DIO2: variants seen among roughly 807,000 people sequenced by gnomAD.
The protein encoded by DIO2 is iodothyronine deiodinase 2, also known as type II iodothyronine deiodinase.
In DIO2, 19 loss-of-function variants were observed where a neutral mutation model predicts 21.4. That is an observed-to-expected ratio of 0.89 (90% CI 0.62 to 1.30). DIO2 has a LOEUF of 1.30. Ranked by LOEUF, DIO2 falls within the 50% of genes most tolerant of loss-of-function variation. The pLI, the probability that DIO2 is intolerant of heterozygous loss-of-function variation, is 0.00. For synonymous variants in DIO2, 122 were observed against 132.9 expected, an observed-to-expected ratio of 0.92 and a Z score of 0.57; for missense variants, 302 against 338.1, an observed-to-expected ratio of 0.89 and a Z score of 0.84.
rs1275009858 is a variant in DIO2 at position 80,206,832 on chromosome 14, C to T, written c.223-3544G>A. On this transcript the variant is annotated intron_variant, in intron 1 of 1. Transcript: ENST00000438257. ...GAGACATATTTGCCAAAGAGGCATT[C>T]AAAAGGCATTTTTTACTCTTGCGGA... Among the ~76,000 whole-genome samples the T allele has an allele frequency of 1.3e-5, 2 of 152,110 alleles. 1 individual carries two copies. Among genetic ancestry groups the T allele is most frequent in the Admixed American group, 1.3e-4 (2 of 15,268 alleles).
rs1887632850 is a variant in DIO2, at chr14:80,199,580, G to A, written c.*3109C>T. 1 of 152,390 alleles carries A rather than the reference G, an allele frequency of 6.6e-6. No homozygotes were observed. The highest frequency in any genetic ancestry group is 2.4e-5 in the African/African-American group (1 of 41,442). 9.4% of individuals were successfully genotyped at this position (152,390 alleles called of 1,614,324 possible). ...GGCATCTCCATTCATGCCCATTCAAGAAAATCATTGTTGATCCCACTAGTA... is the reference window on the plus strand; with the variant it reads ...GGCATCTCCATTCATGCCCATTCAAAAAAATCATTGTTGATCCCACTAGTA... On this transcript the variant is annotated 3_prime_UTR_variant, in exon 2 of 2. Coordinates refer to ENST00000438257, the MANE Select transcript of DIO2 (RefSeq NM_013989.5).
intron 1 of DIO2, chr14:80,205,630 G>T (rs769049241): frequency 4.5e-6 from 6 of 1,331,628 alleles, no homozygotes; most frequent in East Asian, 4.7e-5. Context: ...GAAAGTTAAG[G>T]CACCTTCTCC....
At chr14:80,219,214 C>A (rs1156369189) in intron 2 of DIO2, among the ~76,000 whole-genome samples, 4 of 152,120 alleles carry the variant, frequency 2.6e-5, no homozygotes, top group Non-Finnish European at 4.4e-5. Context: ...GAAGGTAGGG[C>A]TGGATTTAGA....
intron 2 of DIO2, chr14:80,219,357 A>G (rs1888418711): frequency 6.6e-6 from 1 of 152,250 alleles, no homozygotes; most frequent in Non-Finnish European, 1.5e-5. Context: ...ATTGAAAGTC[A>G]GTAGGCAAAA....
intron 1 of DIO2, among the ~76,000 whole-genome samples, chr14:80,210,811 T>C (rs1158622471): frequency 2.0e-5 from 3 of 152,202 alleles, no homozygotes; most frequent in South Asian, 2.1e-4. Context: ...GCATTTCTCA[T>C]TTCTTGCTTT....
At chr14:80,210,763 A>C (rs1888146790) in intron 1 of DIO2, among the ~76,000 whole-genome samples, 1 of 152,060 alleles carries the variant, frequency 6.6e-6, no homozygotes, top group African/African-American at 2.4e-5. Context: ...TTCTATGACC[A>C]CTTTCTTATC....
Position 80,202,752 on chromosome 14 carries a change from T to A in DIO2, c.759A>T (p.Glu253Asp), listed in dbSNP as rs1282367336. Residue 253 changes from glutamate to aspartate, a missense_variant, in exon 2 of 2, where the codon GAA becomes GAT. Physicochemically the swap from Glu to Asp is conservative, Grantham distance 45. Coordinates refer to ENST00000438257, the MANE Select transcript of DIO2 (RefSeq NM_013989.5). ...AATTCTTCTCCAGCCAATGCCGGACTTCTTGAAGGTTGTAGGAGAAGGGGC... is the reference window on the plus strand; with the variant it reads ...AATTCTTCTCCAGCCAATGCCGGACATCTTGAAGGTTGTAGGAGAAGGGGC... ...GKGPFSYNLQ[E>D]VRHWLEKNFS... The A allele has an allele frequency of 1.2e-6, 2 of 1,613,970 alleles. No homozygotes were observed. The highest frequency in any genetic ancestry group is 1.7e-6 in the Non-Finnish European group (2 of 1,179,880).
chr14:80,209,805 C>T (rs561247931), intron 1 of DIO2, among the ~76,000 whole-genome samples: 26 of 152,238 alleles, frequency 1.7e-4, no homozygotes, highest in Admixed American at 4.6e-4. Context: ...ATAATAAAGA[C>T]GTGCATTGTG....
chr14:80,214,582 A>G (rs1052890324), upstream of DIO2, among the ~76,000 whole-genome samples: 1 of 152,172 alleles, frequency 6.6e-6, no homozygotes, highest in African/African-American at 2.4e-5. Flanking sequence ...GATTTCTTCA[A>G]TCATTTTTCT....
intron 2 of DIO2, among the ~76,000 whole-genome samples, chr14:80,227,039 T>C (rs1401241564): frequency 6.6e-6 from 1 of 152,196 alleles, no homozygotes; most frequent in Non-Finnish European, 1.5e-5. Flanking sequence ...TCTCCTTCCA[T>C]GAAAAGTGCA....
chr14:80,208,629 G>T (rs1388378), intron 1 of DIO2, among the ~76,000 whole-genome samples: 22,302 of 152,126 alleles, frequency 0.15, 2,132 homozygotes, highest in East Asian at 0.3. Flanking sequence ...GCAAGTCAGG[G>T]TTATGAAATA....
intron 2 of DIO2, among the ~76,000 whole-genome samples, chr14:80,222,201 A>C (rs1446793131): frequency 6.6e-6 from 1 of 152,252 alleles, no homozygotes; most frequent in Non-Finnish European, 1.5e-5. Context: ...TTCAAATAAT[A>C]AATCTCAATA....
intron 1 of DIO2, among the ~76,000 whole-genome samples, chr14:80,205,129 T>C (rs1372469767): frequency 1.3e-5 from 2 of 152,168 alleles, no homozygotes; most frequent in East Asian, 3.8e-4. Flanking sequence ...GGCATGAAAA[T>C]ATACATCAAA....
chr14:80,198,095 C>T lies in DIO2; in HGVS notation c.*4594G>A, dbSNP rs1887552496. The stretch of plus-strand genomic sequence containing the variant: ...GAGAGAATTTTCTTTATTTCCCATC[C>T]CCTTCTGTGGGTTTCTTTCATTTAT... On this transcript the variant is annotated 3_prime_UTR_variant, in exon 2 of 2. Coordinates refer to ENST00000438257, the MANE Select transcript of DIO2 (RefSeq NM_013989.5). 6.6e-6 allele frequency: 1 copy of T among 152,600 alleles called. No individual in the cohort carries two copies. The highest frequency in any genetic ancestry group is 6.5e-5 in the Admixed American group (1 of 15,270). The allele number at this position is 152,600 out of a possible 1,614,324, so 9.5% of individuals were successfully genotyped here.
At position 80,202,649 on chromosome 14, in the gene DIO2, A is replaced by G; in HGVS notation, c.*40T>C. The G allele has an allele frequency of 6.5e-7, 1 of 1,535,054 alleles. No individual in the cohort carries two copies. Among genetic ancestry groups the G allele is most frequent in the Non-Finnish European group, 8.8e-7 (1 of 1,141,148 alleles). ...CAGTTCTTAATTTCCTTGCCTTTAT[A>G]TAACTTTTTAAAACAATAAGCTCTC... On this transcript the variant is annotated 3_prime_UTR_variant, in exon 2 of 2. Transcript: ENST00000438257.
intron 2 of DIO2, among the ~76,000 whole-genome samples, chr14:80,227,428 A>G (rs1888598537): frequency 6.6e-6 from 1 of 152,178 alleles, no homozygotes; most frequent in Admixed American, 6.5e-5. Context: ...TTATGGCTAG[A>G]TGGGTCAGAA....
intron 1 of DIO2, 101 bp from the exon 2 acceptor site, chr14:80,203,389 C>T: frequency 7.5e-7 from 1 of 1,340,812 alleles, no homozygotes; most frequent in East Asian, 2.5e-5. Flanking sequence ...ACAATTGGCT[C>T]TAATAGAGTG....
intron 2 of DIO2, among the ~76,000 whole-genome samples, chr14:80,217,260 A>T (rs926157577): frequency 1.3e-5 from 2 of 152,226 alleles, no homozygotes; most frequent in African/African-American, 4.8e-5. Context: ...TGAAAATGTT[A>T]TCAGTGGACT....
intron 1 of DIO2, among the ~76,000 whole-genome samples, chr14:80,205,890 T>C (rs892021341): frequency 9.9e-5 from 15 of 152,190 alleles, no homozygotes; most frequent in African/African-American, 2.7e-4. Flanking sequence ...AATTTTACAC[T>C]TAATGATAAC....
Sources: allele counts gnomAD v4.1 joint callset (sites outside exome capture counted in the v4.1 genomes callset), GRCh38; gene constraint gnomAD v4.1.1; transcripts MANE v1.5; gene names NCBI Gene and HGNC (gene_info 2026-07-23, HGNC 2026-07-21).